Variants in LRRFIP1 observed in about 807,000 individuals in gnomAD.
The protein encoded by LRRFIP1 is leucine-rich repeat flightless-interacting protein 1.
In LRRFIP1, 62 loss-of-function variants were observed where a neutral mutation model predicts 104.4. The observed-to-expected ratio is 0.59, with a 90% CI of 0.48 to 0.73. The LOEUF is 0.73. Ranked by LOEUF, LRRFIP1 falls within the 30% of genes least tolerant of loss-of-function variation. The pLI is 0.00. For synonymous variants in LRRFIP1, 300 were observed against 299.0 expected, an observed-to-expected ratio of 1.00 and a Z score of -0.03; for missense variants, 796 against 824.5, an observed-to-expected ratio of 0.97 and a Z score of 0.42.
chr2:237,762,055 C>T (rs1341133737), intron 19 of LRRFIP1, among the ~76,000 whole-genome samples: 4 of 152,182 alleles, frequency 2.6e-5, no homozygotes, highest in Admixed American at 1.3e-4. Flanking sequence ...GATAGATTTC[C>T]TTTCATATGA....
At position 237,698,014 on chromosome 2, in the gene LRRFIP1, T is replaced by C. The variant is rs570384345; in HGVS notation, c.97-10530T>C. Among the ~76,000 whole-genome samples, 41 of 152,362 alleles carry C rather than the reference T, an allele frequency of 2.7e-4. 1 individual carries two copies. Among genetic ancestry groups the C allele is most frequent in the African/African-American group, 9.1e-4 (38 of 41,582 alleles). ...ATTTCTTAGCGCCAGTGGGAGTAGCTGCTAAGCCCAAGATTGTGTTGTGAG... is the reference window on the plus strand; with the variant it reads ...ATTTCTTAGCGCCAGTGGGAGTAGCCGCTAAGCCCAAGATTGTGTTGTGAG... On this transcript the variant is annotated intron_variant, in intron 1 of 23. Transcript: ENST00000308482.
intron 19 of LRRFIP1, chr2:237,762,957 A>G (rs1319886803): frequency 3.1e-6 from 5 of 1,614,120 alleles, no homozygotes; most frequent in East Asian, 4.5e-5. Context: ...AGTGACTTAG[A>G]TGGTGGGAAC....
chr2:237,776,464 G>A (rs2061104319), intron 23 of LRRFIP1, among the ~76,000 whole-genome samples: 1 of 152,174 alleles, frequency 6.6e-6, no homozygotes, highest in African/African-American at 2.4e-5. Context: ...CTTGTGAAGT[G>A]TGCATTCAGA....
At position 237,691,326 on chromosome 2, in the gene LRRFIP1, G is replaced by A. The variant is rs111467889; in HGVS notation, c.97-17218G>A. On this transcript the variant is annotated intron_variant, in intron 1 of 23. Coordinates refer to ENST00000308482, the MANE Select transcript of LRRFIP1 (RefSeq NM_001137550.2). This position sits in a 1 kb window ranked among gnomAD's most constrained non-coding sequence, Gnocchi z 5.4. ...ACGAGGGCGCCCTGTGCCTGGAGGTGGCGCGGGCTGGAGCCCTCCCGGAGG... is the reference window on the plus strand; with the variant it reads ...ACGAGGGCGCCCTGTGCCTGGAGGTAGCGCGGGCTGGAGCCCTCCCGGAGG... Among the ~76,000 whole-genome samples the A allele has an allele frequency of 2.2e-4, 33 of 152,330 alleles. 2 individuals carry two copies. Among genetic ancestry groups the A allele is most frequent in the African/African-American group, 7.7e-4 (32 of 41,578 alleles).
chr2:237,658,133 G>A (rs1305308618), intron 1 of LRRFIP1, among the ~76,000 whole-genome samples: 1 of 152,144 alleles, frequency 6.6e-6, no homozygotes, highest in Non-Finnish European at 1.5e-5. Context: ...GAAATCAATA[G>A]CCTCCATATA....
intron 21 of LRRFIP1, 179 bp from the exon 22 acceptor site, chr2:237,772,687 G>A: frequency 1.7e-6 from 1 of 599,748 alleles, no homozygotes; most frequent in Non-Finnish European, 3.0e-6. Flanking sequence ...ACTTTCCCTG[G>A]GTTCATGGGG....
chr2:237,699,706 G>A (rs549055169), intron 1 of LRRFIP1, among the ~76,000 whole-genome samples: 3 of 152,322 alleles, frequency 2.0e-5, no homozygotes, highest in South Asian at 2.1e-4. Flanking sequence ...TCTTCCCATC[G>A]CAGGCGTGTC....
intron 1 of LRRFIP1, among the ~76,000 whole-genome samples, chr2:237,667,464 C>T (rs1174549354): frequency 6.6e-6 from 1 of 152,174 alleles, no homozygotes; most frequent in Non-Finnish European, 1.5e-5. Context: ...CATTGATGGG[C>T]ATTTGGGTTG....
At chr2:237,659,324 G>A (rs1173302036) in intron 1 of LRRFIP1, among the ~76,000 whole-genome samples, 1 of 151,736 alleles carries the variant, frequency 6.6e-6, no homozygotes, top group Non-Finnish European at 1.5e-5. Context: ...TCAAACTCCT[G>A]GCCTCAAGCA....
rs573196416 is a variant in LRRFIP1 at position 237,755,190 on chromosome 2, C to T, written c.1039-905C>T. Among the ~76,000 whole-genome samples, 40 of 152,284 alleles carry T rather than the reference C, an allele frequency of 2.6e-4. 1 individual carries two copies. In the South Asian group the frequency reaches 6.8e-3, roughly 26 times the overall value. On this transcript the variant is annotated intron_variant, in intron 15 of 23. Coordinates refer to ENST00000308482, the MANE Select transcript of LRRFIP1 (RefSeq NM_001137550.2). The stretch of plus-strand genomic sequence containing the variant: ...TGACTGGGCAGGAACACAGCAGAGC[C>T]GAGCTGCCAGCTTCCTGGGCTGAGC...
intron 19 of LRRFIP1, chr2:237,762,895 G>A: frequency 1.2e-6 from 2 of 1,614,198 alleles, no homozygotes; most frequent in Non-Finnish European, 1.7e-6. Flanking sequence ...ATGAGGTCAT[G>A]GGTGCACCAG....
At chr2:237,682,119 A>T (rs1259306966) in intron 1 of LRRFIP1, among the ~76,000 whole-genome samples, 1 of 152,198 alleles carries the variant, frequency 6.6e-6, no homozygotes, top group African/African-American at 2.4e-5. Flanking sequence ...GTCCAAGCTA[A>T]CTGAGTGATG....
chr2:237,767,212 A>C (rs887629240), intron 19 of LRRFIP1, among the ~76,000 whole-genome samples: 1 of 152,200 alleles, frequency 6.6e-6, no homozygotes, highest in African/African-American at 2.4e-5. Flanking sequence ...AAGTTGACTT[A>C]GCTATACTCC....
intron 8 of LRRFIP1, chr2:237,729,954 C>T (rs921397899): frequency 2.1e-5 from 9 of 432,622 alleles, no homozygotes; most frequent in Admixed American, 6.4e-5. Context: ...GTCTGTTTGA[C>T]GGATTTTTGT....
At position 237,774,476 on chromosome 2, in the gene LRRFIP1, G is replaced by A; in HGVS notation, c.1812+14G>A. ...CTCCAAAGAGAGGTAAATTTCCTAG[G>A]CAATTTCTAGGAAGAGAATGGCTGC... On this transcript the variant is annotated intron_variant, in intron 23 of 23. Transcript: ENST00000308482. The A allele has an allele frequency of 3.2e-6, 5 of 1,538,678 alleles. No individual in the cohort carries two copies. The highest frequency in any genetic ancestry group is 4.5e-6 in the Non-Finnish European group (5 of 1,113,768).
chr2:237,765,419 A>T, intron 19 of LRRFIP1: 1 of 839,556 alleles, frequency 1.2e-6, no homozygotes, highest in Non-Finnish European at 1.4e-6. Context: ...TGGGAGACAG[A>T]GTGAGACACT....
At chr2:237,706,199 A>G (rs1156640332) in intron 1 of LRRFIP1, among the ~76,000 whole-genome samples, 3 of 151,874 alleles carry the variant, frequency 2.0e-5, no homozygotes, top group Admixed American at 6.6e-5. Flanking sequence ...ACAGTGGGAG[A>G]GGGGTATGCA....
chr2:237,705,745 A>G (rs1183019573), intron 1 of LRRFIP1, among the ~76,000 whole-genome samples: 2 of 151,716 alleles, frequency 1.3e-5, no homozygotes, highest in Non-Finnish European at 2.9e-5. Flanking sequence ...GGTGTCGGCC[A>G]GTCTGGGGTC....
intron 1 of LRRFIP1, among the ~76,000 whole-genome samples, chr2:237,673,498 C>T (rs370244154): frequency 1.3e-5 from 2 of 152,180 alleles, no homozygotes; most frequent in Non-Finnish European, 2.9e-5. Context: ...CCGCGCGTGG[C>T]GTGGGGCGTG....
Sources: gnomAD v4.1 joint callset for allele counts (sites outside exome capture counted in the v4.1 genomes callset) on GRCh38, gnomAD v4.1.1 for gene constraint, Gnocchi (gnomAD v3.1) non-coding constraint, MANE v1.5 for transcripts, NCBI Gene and HGNC (gene_info 2026-07-23, HGNC 2026-07-21) for gene names.